The following TMA16 variants were observed in gnomAD, a reference collection of about 807,000 sequenced individuals.
The protein encoded by TMA16 is translation machinery-associated protein 16.
In TMA16, 26 loss-of-function variants were observed where a neutral mutation model predicts 27.1. The observed-to-expected ratio is 0.96, with a 90% confidence interval of 0.70 to 1.33. The LOEUF (loss-of-function observed/expected upper bound fraction) is 1.33. TMA16 is among the 40% of genes most tolerant of loss of function. TMA16 has a pLI of 0.00. For synonymous variants in TMA16, 71 were observed against 81.9 expected (o/e 0.87, Z 0.72); for missense variants, 233 against 241.4 (o/e 0.97, Z 0.23).
chr4:163,500,512 C>A (rs2110790970), intron 1 of TMA16, among the ~76,000 whole-genome samples: 1 of 152,164 alleles, frequency 6.6e-6, no homozygotes, highest in African/African-American at 2.4e-5. Flanking sequence ...TGTCCGGCCC[C>A]ATTATTTATT....
At chr4:163,511,255 G>A in intron 2 of TMA16, among the ~76,000 whole-genome samples, 1 of 151,430 alleles carries the variant, frequency 6.6e-6, no homozygotes, top group Admixed American at 6.6e-5. Context: ...TTTAATTTTA[G>A]CCAATCTAGT....
rs542207759 is a variant in TMA16 at position 163,494,710 on chromosome 4, C to T, written c.-92C>T. 6 of 1,581,554 alleles carry T rather than the reference C, an allele frequency of 3.8e-6. No individual in the cohort carries two copies. In the East Asian group the frequency reaches 6.7e-5, roughly 18 times the overall value. On this transcript the variant is annotated 5_prime_UTR_variant, in exon 1 of 7. Coordinates refer to ENST00000358572, the MANE Select transcript of TMA16 (RefSeq NM_018352.3). ...TTCTCAGGCGCCACGTGGGATTCGG[C>T]CCGGGTGCTCTTGTGAGCTGCTGCT...
At chr4:163,501,780 G>A (rs1316253729) in intron 1 of TMA16, among the ~76,000 whole-genome samples, 1 of 152,148 alleles carries the variant, frequency 6.6e-6, no homozygotes, top group African/African-American at 2.4e-5. Context: ...CATTAATTAG[G>A]TGGTAGGCTT....
intron 1 of TMA16, among the ~76,000 whole-genome samples, chr4:163,500,748 A>G (rs570177594): frequency 4.6e-5 from 7 of 152,300 alleles, no homozygotes; most frequent in Admixed American, 3.9e-4. Context: ...TGTTTCTCCC[A>G]GGAGCAATTA....
Position 163,519,309 on chromosome 4 carries a change from CTTT to C in TMA16, c.432-15_432-13del, listed in dbSNP as rs374376787. The C allele has an allele frequency of 1.4e-5, 17 of 1,210,688 alleles. No homozygotes were observed. The highest frequency in any genetic ancestry group is 6.3e-5 in the South Asian group (4 of 63,928). 75.0% of individuals were successfully genotyped at this position (1,210,688 alleles called of 1,614,324 possible). A position where few individuals can be genotyped will look rare whatever the true frequency, so the allele number is the denominator to read the frequency against. ...TTAACTCTTACCAACACTCTGCACT[CTTT>C]TTTTTTTTTCCTTTTGTCTAGGGAA... On this transcript the variant is annotated intron_variant, in intron 6 of 6. Coordinates refer to ENST00000358572, the MANE Select transcript of TMA16 (RefSeq NM_018352.3).
chr4:163,519,412 G>A lies in TMA16; in HGVS notation c.510G>A (p.Thr170=), dbSNP rs1737935225. ...KICANDAIPK[T]CKRKTIITVD... is the part of the protein sequence containing the mutation. Reference sequence around the variant, plus strand: ...GCGCTAATGATGCAATTCCCAAGACGTGCAAGAGGAAAACTATTATAACTG... The same window carrying A: ...GCGCTAATGATGCAATTCCCAAGACATGCAAGAGGAAAACTATTATAACTG... Residue 170 remains threonine, a synonymous_variant, in exon 7 of 7, where the codon ACG becomes ACA. Transcript: ENST00000358572. The A allele has an allele frequency of 9.3e-6, 15 of 1,606,458 alleles. No homozygotes were observed. The highest frequency in any genetic ancestry group is 2.7e-5 in the African/African-American group (2 of 74,330).
chr4:163,495,769 A>T (rs528186648), intron 1 of TMA16, among the ~76,000 whole-genome samples: 3 of 151,590 alleles, frequency 2.0e-5, no homozygotes, highest in African/African-American at 7.3e-5. Flanking sequence ...TTTGTCTTAC[A>T]GTCTGGTTCT....
intron 1 of TMA16, among the ~76,000 whole-genome samples, chr4:163,502,489 C>T (rs1737662283): frequency 6.6e-6 from 1 of 152,102 alleles, no homozygotes; most frequent in Non-Finnish European, 1.5e-5. Flanking sequence ...AAATAACACA[C>T]AAATGTACAA....
At chr4:163,503,018 A>G (rs1203076055) in intron 1 of TMA16, among the ~76,000 whole-genome samples, 4 of 152,180 alleles carry the variant, frequency 2.6e-5, no homozygotes, top group South Asian at 2.1e-4. Context: ...TAGATACACA[A>G]ATACTTACCT....
chr4:163,520,252 A>G lies in TMA16; in HGVS notation c.*738A>G, dbSNP rs1579022561. 1 of 241,274 alleles carries G rather than the reference A, an allele frequency of 4.1e-6. No homozygotes were observed. Among genetic ancestry groups the G allele is most frequent in the Non-Finnish European group, 7.8e-6 (1 of 127,954 alleles). The allele number at this position is 241,274 out of a possible 1,614,324, so 14.9% of individuals were successfully genotyped here. A position where few individuals can be genotyped will look rare whatever the true frequency, so the allele number is the denominator to read the frequency against. On this transcript the variant is annotated 3_prime_UTR_variant, in exon 7 of 7. Transcript: ENST00000358572. ...GAAGATTAGGGAACCAGTGATTTTA[A>G]TTATGCTACTTTTTCTTCTAAGAGA...
intron 5 of TMA16, 95 bp downstream of exon 5, chr4:163,515,556 C>A: frequency 7.2e-7 from 1 of 1,395,740 alleles, no homozygotes; most frequent in Non-Finnish European, 9.5e-7. Context: ...TTGTTTATTT[C>A]ATTTGATTTT....
chr4:163,518,703 T>C (rs958764895), intron 6 of TMA16, among the ~76,000 whole-genome samples: 2 of 152,170 alleles, frequency 1.3e-5, no homozygotes, highest in Admixed American at 1.3e-4. Context: ...TCTATCATGT[T>C]TAAGGTGCAG....
At chr4:163,505,292 A>T (rs1329542486) in intron 1 of TMA16, among the ~76,000 whole-genome samples, 1 of 152,142 alleles carries the variant, frequency 6.6e-6, no homozygotes, top group Non-Finnish European at 1.5e-5. Flanking sequence ...GAGATACATA[A>T]AAGAGTACAT....
chr4:163,503,902 A>G (rs926763008), intron 1 of TMA16, among the ~76,000 whole-genome samples: 2 of 152,200 alleles, frequency 1.3e-5, no homozygotes, highest in African/African-American at 2.4e-5. Context: ...CCTTGAGGCA[A>G]CCTTTTCATG....
At chr4:163,501,628 T>C (rs1327771352) in intron 1 of TMA16, among the ~76,000 whole-genome samples, 1 of 152,214 alleles carries the variant, frequency 6.6e-6, no homozygotes, top group Non-Finnish European at 1.5e-5. Context: ...ATTATCTGTA[T>C]CCAGAGATAT....
chr4:163,494,913 T>G, intron 1 of TMA16, 109 bp downstream of exon 1: 1 of 1,497,542 alleles, frequency 6.7e-7, no homozygotes, highest in Non-Finnish European at 9.2e-7. Context: ...GAGGGGAGGA[T>G]GCAAAGTGTT....
rs2304802 is a variant in TMA16 at position 163,514,113 on chromosome 4, A to C, written c.194A>C (p.Gln65Pro). The C allele has an allele frequency of 0.46, 741,741 of 1,604,080 alleles. 176,088 individuals carry two copies. Among genetic ancestry groups the C allele is most frequent in the Admixed American group, 0.62 (36,556 of 58,576 alleles). ...LQWFQNHLDP[Q>P]KKRYSKKDAC... ...TGGTTTCAAAATCATCTTGATCCCC[A>C]AAAAAAGAGATATTCAAAGAAAGAT... Residue 65 changes from glutamine to proline, a missense_variant, in exon 4 of 7, where the codon CAA (glutamine) becomes CCA (proline). Coordinates refer to ENST00000358572, the MANE Select transcript of TMA16 (RefSeq NM_018352.3).
intron 1 of TMA16, among the ~76,000 whole-genome samples, chr4:163,505,274 TGAGCAGA>T (rs1465681658): frequency 6.6e-6 from 1 of 152,232 alleles, no homozygotes; most frequent in Non-Finnish European, 1.5e-5. Context: ...ACTTGCCATG[TGAGCAGA>T]GAGATACATA....
At chr4:163,507,630 C>CA (rs141340845) in intron 2 of TMA16, among the ~76,000 whole-genome samples, 1,652 of 152,128 alleles carry the variant, frequency 0.011, 26 homozygotes, top group African/African-American at 0.036. Context: ...TGTGGGATTT[C>CA]AAGCCGTGAG....
Sources: gnomAD v4.1 joint callset for allele counts (sites outside exome capture counted in the v4.1 genomes callset) on GRCh38, gnomAD v4.1.1 for gene constraint, MANE v1.5 for transcripts, NCBI Gene and HGNC (gene_info 2026-07-23, HGNC 2026-07-21) for gene names.